Variants in HS3ST3A1 observed in about 807,000 individuals in gnomAD.
The protein encoded by HS3ST3A1 is heparan sulfate-glucosamine 3-sulfotransferase 3A1.
Under a neutral mutation model 25.7 loss-of-function variants are expected in HS3ST3A1, and 19 were observed. That is an observed-to-expected ratio of 0.74 (90% CI 0.52 to 1.08). The LOEUF is 1.08. Ranked by LOEUF, HS3ST3A1 falls within the 50% of genes least tolerant of loss-of-function variation. The pLI is 0.00. For missense variants in HS3ST3A1, 459 were observed against 594.3 expected, an observed-to-expected ratio of 0.77 and a Z score of 2.37; for synonymous variants, 226 against 278.6, an observed-to-expected ratio of 0.81 and a Z score of 1.88.
chr17:13,560,318 A>AAAAAAAAAAAAAAAAAAAC (rs1598426570), intron 1 of HS3ST3A1, among the ~76,000 whole-genome samples: 1 of 144,780 alleles, frequency 6.9e-6, no homozygotes, highest in Non-Finnish European at 1.5e-5. Flanking sequence ...AAAAAAAAAA[A>AAAAAAAAAAAAAAAAAAAC]AGTGTATTAC....
intron 1 of HS3ST3A1, among the ~76,000 whole-genome samples, chr17:13,556,580 A>T (rs1006390462): frequency 9.3e-5 from 14 of 150,358 alleles, no homozygotes; most frequent in Non-Finnish European, 1.8e-4. Flanking sequence ...GAGGCCGGTC[A>T]TGGTGGCTCA....
At chr17:13,561,447 C>T (rs917234698) in intron 1 of HS3ST3A1, among the ~76,000 whole-genome samples, 14 of 150,522 alleles carry the variant, frequency 9.3e-5, no homozygotes, top group South Asian at 2.1e-4. Context: ...AGTACAGTGG[C>T]GTAATCTTGA....
chr17:13,544,225 T>C (rs7222005), intron 1 of HS3ST3A1, among the ~76,000 whole-genome samples: 67,041 of 152,076 alleles, frequency 0.44, 16,363 homozygotes, highest in African/African-American at 0.66. Flanking sequence ...CATGAAAAGG[T>C]AATCATATAA....
rs893736481 is a variant in HS3ST3A1 at position 13,495,994 on chromosome 17, G to C, written c.*203C>G. 7.1e-5 allele frequency: 41 copies of C among 577,412 alleles called. 1 individual carries two copies. Among genetic ancestry groups the C allele is most frequent in the Admixed American group, 2.6e-4 (7 of 26,660 alleles). The allele number at this position is 577,412 out of a possible 1,614,324, so 35.8% of individuals were successfully genotyped here. ...CTGAAAATTGAAAGTGTTTAGACGA[G>C]TGAAATTTTCCTTTTCTGTTGATCC... On this transcript the variant is annotated 3_prime_UTR_variant, in exon 2 of 2. Coordinates refer to ENST00000284110, the MANE Select transcript of HS3ST3A1 (RefSeq NM_006042.3).
intron 1 of HS3ST3A1, among the ~76,000 whole-genome samples, chr17:13,518,587 T>C (rs1906127355): frequency 1.3e-5 from 2 of 152,326 alleles, no homozygotes; most frequent in Middle Eastern, 3.4e-3. Flanking sequence ...GTTTTCCCAT[T>C]TCTTGATACT....
At chr17:13,506,901 C>CAA (rs958583882) in intron 1 of HS3ST3A1, among the ~76,000 whole-genome samples, 1,554 of 101,196 alleles carry the variant, frequency 0.015, 31 homozygotes, top group African/African-American at 0.051. Context: ...TACTAAAATA[C>CAA]AAAAAAAAAA....
At chr17:13,556,928 C>T (rs1907396845) in intron 1 of HS3ST3A1, among the ~76,000 whole-genome samples, 1 of 151,556 alleles carries the variant, frequency 6.6e-6, no homozygotes, top group Non-Finnish European at 1.5e-5. Flanking sequence ...CATGCTTGCA[C>T]ATACTTGCAC....
At chr17:13,556,202 A>G (rs1490148656) in intron 1 of HS3ST3A1, among the ~76,000 whole-genome samples, 3 of 152,110 alleles carry the variant, frequency 2.0e-5, no homozygotes, top group Non-Finnish European at 4.4e-5. Flanking sequence ...AGATTTGGGG[A>G]GAATTAGAAA....
At chr17:13,525,316 ATT>A (rs909849491) in intron 1 of HS3ST3A1, among the ~76,000 whole-genome samples, 4 of 151,252 alleles carry the variant, frequency 2.6e-5, no homozygotes, top group African/African-American at 9.7e-5. Flanking sequence ...TATTGTCCTA[ATT>A]TTTTTTTCCT....
chr17:13,507,642 C>T (rs1905727420), intron 1 of HS3ST3A1, among the ~76,000 whole-genome samples: 1 of 152,158 alleles, frequency 6.6e-6, no homozygotes, highest in South Asian at 2.1e-4. Flanking sequence ...GAACATCCTG[C>T]AAAGGGAAGT....
intron 1 of HS3ST3A1, among the ~76,000 whole-genome samples, chr17:13,558,059 A>G (rs952825604): frequency 2.6e-5 from 4 of 152,216 alleles, no homozygotes; most frequent in Non-Finnish European, 4.4e-5. Context: ...GAGGGAAAAT[A>G]TGTATGACTC....
chr17:13,502,169 T>G (rs1473622459), intron 1 of HS3ST3A1, among the ~76,000 whole-genome samples: 1 of 152,152 alleles, frequency 6.6e-6, no homozygotes, highest in Non-Finnish European at 1.5e-5. Flanking sequence ...CTGCTGTCTG[T>G]GGTGCAGGAA....
At chr17:13,560,066 G>T (rs971682276) in intron 1 of HS3ST3A1, among the ~76,000 whole-genome samples, 19 of 151,580 alleles carry the variant, frequency 1.3e-4, no homozygotes, top group African/African-American at 4.4e-4. Flanking sequence ...GAGGCAGGCA[G>T]ATCACCTGAG....
chr17:13,570,613 G>A (rs1326592121), intron 1 of HS3ST3A1, among the ~76,000 whole-genome samples: 1 of 152,108 alleles, frequency 6.6e-6, no homozygotes, highest in African/African-American at 2.4e-5. Context: ...GATTAGCTGG[G>A]ATACAGGTGC....
intron 1 of HS3ST3A1, among the ~76,000 whole-genome samples, chr17:13,524,190 C>T (rs1906338011): frequency 6.6e-6 from 1 of 152,152 alleles, no homozygotes; most frequent in African/African-American, 2.4e-5. Context: ...ACAAATACAT[C>T]ACAGACTTTT....
chr17:13,504,988 C>T (rs534153013), intron 1 of HS3ST3A1, among the ~76,000 whole-genome samples: 8 of 152,160 alleles, frequency 5.3e-5, no homozygotes, highest in South Asian at 2.1e-4. Flanking sequence ...ATTTGGGTGA[C>T]GACTTTCTCA....
chr17:13,561,303 G>GTGTC (rs1448847247), intron 1 of HS3ST3A1, among the ~76,000 whole-genome samples: 1 of 152,070 alleles, frequency 6.6e-6, no homozygotes, highest in African/African-American at 2.4e-5. Context: ...GCCTTAGGAA[G>GTGTC]TGACACTGCA....
chr17:13,518,163 T>C (rs1404048935), intron 1 of HS3ST3A1, among the ~76,000 whole-genome samples: 1 of 152,136 alleles, frequency 6.6e-6, no homozygotes, highest in Non-Finnish European at 1.5e-5. Flanking sequence ...TTACAGAAAT[T>C]ACAGTGGAAA....
At position 13,600,786 on chromosome 17, in the gene HS3ST3A1, T is replaced by A. The variant is rs1192492196; in HGVS notation, c.344A>T (p.Glu115Val). ...ACCCCCTGACAGGCCAGGGGACTCT[T>A]CTTCCCAGGCCGCCTCCTCGCCGTC... ...RDDGEEAAWE[E>V]ESPGLSGGPG... The change falls in exon 1 of 2, where the codon GAA becomes GTA. Residue 115 changes from glutamate (E) to valine (V), a missense_variant. Glu to Val is a moderately radical substitution (Grantham distance 121). This residue lies in a region of HS3ST3A1 where 346 missense variants were observed against 303.9 expected (regional missense o/e 1.14). Transcript: ENST00000284110. 1 of 1,450,846 alleles carries A rather than the reference T, an allele frequency of 6.9e-7. No homozygotes were observed. Among genetic ancestry groups the A allele is most frequent in the East Asian group, 2.9e-5 (1 of 34,682 alleles). 89.9% of individuals were successfully genotyped at this position (1,450,846 alleles called of 1,614,324 possible).
Sources: gnomAD v4.1 joint callset for allele counts (sites outside exome capture counted in the v4.1 genomes callset) on GRCh38, gnomAD v4.1.1 for gene constraint, gnomAD v4.1.1 regional missense constraint, MANE v1.5 for transcripts, NCBI Gene and HGNC (gene_info 2026-07-23, HGNC 2026-07-21) for gene names.